DLGAP2: variants seen among roughly 807,000 people sequenced by gnomAD.
DLGAP2 encodes the protein disks large-associated protein 2.
Under a neutral mutation model 100.3 loss-of-function variants are expected in DLGAP2, and 26 were observed. That is an observed-to-expected ratio of 0.26 (90% CI 0.19 to 0.36). The LOEUF (loss-of-function observed/expected upper bound fraction) is 0.36, where lower values mean the gene tolerates loss of function less well. Ranked by LOEUF, DLGAP2 falls within the 10% of genes least tolerant of loss-of-function variation. DLGAP2 has a pLI of 1.00. For missense variants in DLGAP2, 1,858 were observed against 1,453.2 expected (o/e 1.28, Z -4.53); for synonymous variants, 886 against 630.1 (o/e 1.41, Z -6.08).
chr8:1,550,514 G>T (rs971363935), intron 5 of DLGAP2, among the ~76,000 whole-genome samples: 4 of 152,150 alleles, frequency 2.6e-5, no homozygotes, highest in African/African-American at 9.7e-5. Flanking sequence ...TGTGAGAGCT[G>T]ATGGACCGGC....
intron 2 of DLGAP2, among the ~76,000 whole-genome samples, chr8:1,220,240 C>T (rs999676660): frequency 3.9e-5 from 6 of 152,110 alleles, no homozygotes; most frequent in Non-Finnish European, 8.8e-5. Flanking sequence ...TTGATGTAAT[C>T]ATTTAGTGCT....
At chr8:1,316,568 C>G (rs1800755961) in intron 3 of DLGAP2, among the ~76,000 whole-genome samples, 1 of 138,210 alleles carries the variant, frequency 7.2e-6, no homozygotes, top group African/African-American at 2.7e-5. Flanking sequence ...TGCAGCGTCT[C>G]TCCAACAGTG....
chr8:982,561 G>C (rs148848775), intron 2 of DLGAP2, among the ~76,000 whole-genome samples: 403 of 152,288 alleles, frequency 2.6e-3, no homozygotes, highest in African/African-American at 8.8e-3. Context: ...GCCTTATAAA[G>C]AAGGCCAACT....
intron 1 of DLGAP2, among the ~76,000 whole-genome samples, chr8:812,293 T>C (rs1416040099): frequency 5.3e-5 from 8 of 152,088 alleles, no homozygotes; most frequent in Admixed American, 1.3e-4. Context: ...CCTATGGCAG[T>C]GGGCACGGTT....
At chr8:1,186,137 C>A (rs1270659798) in intron 2 of DLGAP2, among the ~76,000 whole-genome samples, 1 of 152,214 alleles carries the variant, frequency 6.6e-6, no homozygotes, top group East Asian at 1.9e-4. Flanking sequence ...CGCTTTGCGC[C>A]CTTGTCTGCG....
intron 2 of DLGAP2, among the ~76,000 whole-genome samples, chr8:1,040,524 C>T (rs1441681985): frequency 2.7e-5 from 3 of 111,090 alleles, no homozygotes; most frequent in Non-Finnish European, 5.5e-5. Flanking sequence ...GGCTCGGTTT[C>T]CGTGGTCGGC....
chr8:989,105 G>A (rs567174474), intron 2 of DLGAP2, among the ~76,000 whole-genome samples: 9 of 152,242 alleles, frequency 5.9e-5, no homozygotes, highest in African/African-American at 2.2e-4. Context: ...CCATTGTGAC[G>A]ACCGCAGTGC....
chr8:965,842 A>G (rs1563118235), intron 2 of DLGAP2, among the ~76,000 whole-genome samples: 1 of 149,528 alleles, frequency 6.7e-6, no homozygotes, highest in African/African-American at 2.5e-5. Flanking sequence ...TGTTCATCAC[A>G]CACGCGGCTC....
chr8:1,435,521 A>G (rs1797593184), intron 3 of DLGAP2, among the ~76,000 whole-genome samples: 1 of 152,118 alleles, frequency 6.6e-6, no homozygotes, highest in Non-Finnish European at 1.5e-5. Context: ...ACCGTACGGA[A>G]GTGTAGCCGT....
intron 2 of DLGAP2, among the ~76,000 whole-genome samples, chr8:1,123,269 T>C (rs1369211522): frequency 6.6e-6 from 1 of 152,120 alleles, no homozygotes; most frequent in East Asian, 1.9e-4. Context: ...TAATGAAAAA[T>C]GTTTTTTATT....
At chr8:928,502 G>T (rs1373900787) in intron 2 of DLGAP2, among the ~76,000 whole-genome samples, 1 of 152,158 alleles carries the variant, frequency 6.6e-6, no homozygotes, top group Non-Finnish European at 1.5e-5. Flanking sequence ...TTTGATTCTT[G>T]TGGTGACAAC....
At chr8:956,180 T>G (rs1303230426) in intron 2 of DLGAP2, among the ~76,000 whole-genome samples, 1 of 152,182 alleles carries the variant, frequency 6.6e-6, no homozygotes, top group East Asian at 1.9e-4. Context: ...TCTTTTGAGT[T>G]TATTTCTCAC....
chr8:1,105,290 T>C (rs1401608559), intron 2 of DLGAP2, among the ~76,000 whole-genome samples: 5 of 152,260 alleles, frequency 3.3e-5, no homozygotes, highest in Admixed American at 3.3e-4. Context: ...GTGAAGACTC[T>C]ACCACAGTTG....
intron 3 of DLGAP2, among the ~76,000 whole-genome samples, chr8:1,312,709 A>G (rs927172616): frequency 6.6e-6 from 1 of 152,252 alleles, no homozygotes; most frequent in Non-Finnish European, 1.5e-5. Flanking sequence ...AAAAAATAAA[A>G]TTAAATGCAC....
At chr8:1,343,898 G>A (rs1239179207) in intron 3 of DLGAP2, among the ~76,000 whole-genome samples, 1 of 152,304 alleles carries the variant, frequency 6.6e-6, no homozygotes, top group East Asian at 1.9e-4. Flanking sequence ...CTTCTCACGG[G>A]TGCGAGCTCC....
At chr8:1,110,657 T>C (rs528923438) in intron 2 of DLGAP2, among the ~76,000 whole-genome samples, 4 of 151,438 alleles carry the variant, frequency 2.6e-5, no homozygotes, top group South Asian at 2.1e-4. Flanking sequence ...GGGAAAACAA[T>C]GAGAAACCCA....
intron 1 of DLGAP2, among the ~76,000 whole-genome samples, chr8:796,008 G>A (rs1429740949): frequency 7.0e-6 from 1 of 143,020 alleles, no homozygotes; most frequent in Non-Finnish European, 1.5e-5. Context: ...GAGAGCAGGC[G>A]TCCAGTGAGA....
chr8:785,511 A>T (rs1821828984), intron 1 of DLGAP2, among the ~76,000 whole-genome samples: 2 of 121,054 alleles, frequency 1.7e-5, no homozygotes, highest in Non-Finnish European at 3.3e-5. Context: ...TCCTCCCCTC[A>T]GGCCTTTCTG....
chr8:940,215 C>T (rs920647671), intron 2 of DLGAP2, among the ~76,000 whole-genome samples: 2 of 152,038 alleles, frequency 1.3e-5, no homozygotes, highest in African/African-American at 4.8e-5. Context: ...TCTGAGTTTC[C>T]ATTTCACCTT....
Sources: allele counts gnomAD v4.1 joint callset (sites outside exome capture counted in the v4.1 genomes callset), GRCh38; gene constraint gnomAD v4.1.1; transcripts MANE v1.5; gene names NCBI Gene and HGNC (gene_info 2026-07-23, HGNC 2026-07-21).